The following SWAP70 variants were observed in gnomAD, a reference collection of about 807,000 sequenced individuals.
The protein encoded by SWAP70 is switching B cell complex subunit SWAP70.
SWAP70 carries 34 observed loss-of-function variants against 80.2 expected under a neutral mutation model. The ratio of observed to expected loss-of-function variants is 0.42; its 90% CI spans 0.32 to 0.56. The LOEUF is 0.56. SWAP70 is among the 20% of genes least tolerant of loss of function. The probability of loss-of-function intolerance (pLI) is 0.09; values close to 1 mark genes in which losing one functional copy is unlikely to be tolerated. For synonymous variants in SWAP70, 239 were observed against 238.5 expected (o/e 1.00, Z -0.02); for missense variants, 578 against 690.7 (o/e 0.84, Z 1.83).
intron 6 of SWAP70, 135 bp downstream of exon 6, chr11:9,729,586 C>T (rs974929836): frequency 1.5e-6 from 1 of 669,904 alleles, no homozygotes; most frequent in Non-Finnish European, 2.6e-6. Context: ...GCAACCTCCA[C>T]CTCCTGGGTT....
intron 1 of SWAP70, among the ~76,000 whole-genome samples, chr11:9,678,543 CTT>C (rs72123125): frequency 2.6e-5 from 2 of 77,206 alleles, no homozygotes; most frequent in Non-Finnish European, 5.6e-5. Context: ...CTCTGAGGTG[CTT>C]TTTTTTTTTT....
At chr11:9,720,239 A>C (rs936261679) in intron 3 of SWAP70, 4 of 985,292 alleles carry the variant, frequency 4.1e-6, no homozygotes, top group Admixed American at 6.2e-5. Context: ...AGTCAGCAGG[A>C]AATGAATCTA....
rs1388439488 is a variant in SWAP70 at position 9,750,677 on chromosome 11, CT to C, written c.*710del. On this transcript the variant is annotated 3_prime_UTR_variant, in exon 12 of 12. Transcript: ENST00000318950. Reference sequence around the variant, plus strand: ...AACCTCTGTGGACTGGATGTCAGCTCTTTCCTTTGGCAGCGTGTTTCCTTTT... The same window carrying C: ...AACCTCTGTGGACTGGATGTCAGCTCTTCCTTTGGCAGCGTGTTTCCTTTT... 1 of 152,296 alleles carries C rather than the reference CT, an allele frequency of 6.6e-6. No homozygotes were observed. Among genetic ancestry groups the C allele is most frequent in the Non-Finnish European group, 1.5e-5 (1 of 68,104 alleles). 9.4% of individuals were successfully genotyped at this position (152,296 alleles called of 1,614,324 possible). A position where few individuals can be genotyped will look rare whatever the true frequency, so the allele number is the denominator to read the frequency against.
Position 9,738,337 on chromosome 11 carries a change from T to C in SWAP70, c.1188+17T>C, listed in dbSNP as rs756066017. ...GAGAAGCTTGTGAGTATCACATGGCTGGAGAAAGCAGCTGCAGTAGCTCAG... is the reference window on the plus strand; with the variant it reads ...GAGAAGCTTGTGAGTATCACATGGCCGGAGAAAGCAGCTGCAGTAGCTCAG... On this transcript the variant is annotated intron_variant, in intron 8 of 11. Coordinates refer to ENST00000318950, the MANE Select transcript of SWAP70 (RefSeq NM_015055.4). The C allele has an allele frequency of 1.3e-6, 2 of 1,564,724 alleles. No individual in the cohort carries two copies. The highest frequency in any genetic ancestry group is 2.4e-5 in the South Asian group (2 of 84,168).
chr11:9,743,396 A>C (rs996234332), intron 9 of SWAP70, among the ~76,000 whole-genome samples: 16 of 151,992 alleles, frequency 1.1e-4, no homozygotes, highest in African/African-American at 4.8e-5. Flanking sequence ...ATGATTTATA[A>C]TCCTTTGGGT....
At chr11:9,725,926 A>G (rs1185177732) in intron 4 of SWAP70, among the ~76,000 whole-genome samples, 2 of 152,146 alleles carry the variant, frequency 1.3e-5, no homozygotes, top group Non-Finnish European at 2.9e-5. Flanking sequence ...AAAGATCTCC[A>G]TGGCATAACG....
rs59264750 is a variant in SWAP70 at position 9,724,903 on chromosome 11, GTT to G, written c.642+26_642+27del. ...TAAAGCAGGTAAGAATTCTGTTACTGTTTTTTTTTCTCATCTTTAGAATTTGA... is the reference window on the plus strand; with the variant it reads ...TAAAGCAGGTAAGAATTCTGTTACTGTTTTTTTCTCATCTTTAGAATTTGA... On this transcript the variant is annotated intron_variant, in intron 4 of 11. Coordinates refer to ENST00000318950, the MANE Select transcript of SWAP70 (RefSeq NM_015055.4). The G allele has an allele frequency of 2.1e-6, 3 of 1,422,706 alleles. No homozygotes were observed. In the South Asian group the frequency reaches 3.8e-5, roughly 18 times the overall value. 88.1% of individuals were successfully genotyped at this position (1,422,706 alleles called of 1,614,324 possible). A position where few individuals can be genotyped will look rare whatever the true frequency, so the allele number is the denominator to read the frequency against.
intron 3 of SWAP70, among the ~76,000 whole-genome samples, chr11:9,719,401 A>T (rs1851107578): frequency 6.6e-6 from 1 of 152,174 alleles, no homozygotes; most frequent in South Asian, 2.1e-4. Flanking sequence ...CATGGCAGTT[A>T]GCCAGGTGTG....
intron 6 of SWAP70, among the ~76,000 whole-genome samples, chr11:9,730,053 G>C (rs752103070): frequency 6.6e-6 from 1 of 152,162 alleles, no homozygotes; most frequent in South Asian, 2.1e-4. Flanking sequence ...TGGGCTTTTA[G>C]TGTAATCATC....
chr11:9,679,158 C>CT (rs1850536951), intron 1 of SWAP70, among the ~76,000 whole-genome samples: 1 of 152,150 alleles, frequency 6.6e-6, no homozygotes. Flanking sequence ...ATTAGAAACA[C>CT]TAATTTTTTT....
In SWAP70 at chr11:9,717,329, C is replaced by T. The variant is rs560592890; in HGVS notation, c.414+3690C>T. On this transcript the variant is annotated intron_variant, in intron 3 of 11. Transcript: ENST00000318950. ...CTAGCTGCTGCTTGAAAGAATTGTG[C>T]AAATAAAATTTACAGTATTTTAGGC... Among the ~76,000 whole-genome samples the T allele has an allele frequency of 7.9e-5, 12 of 152,210 alleles. No homozygotes were observed. The South Asian group carries it at 2.5e-3, about 32-fold the overall frequency.
rs373721194 is a variant in SWAP70 at position 9,694,126 on chromosome 11, G to A, written c.100-20G>A. On this transcript the variant is annotated intron_variant, in intron 1 of 11. Coordinates refer to ENST00000318950, the MANE Select transcript of SWAP70 (RefSeq NM_015055.4). Reference sequence around the variant, plus strand: ...TGCTGGTTAGTGGGAGTCTTTAAACGATTTTCTTTTCCCTTGCAGGTCCTT... The same window carrying A: ...TGCTGGTTAGTGGGAGTCTTTAAACAATTTTCTTTTCCCTTGCAGGTCCTT... 1.1e-5 allele frequency: 18 copies of A among 1,577,848 alleles called. No individual in the cohort carries two copies. In the African/African-American group the frequency reaches 1.4e-4, roughly 12 times the overall value.
intron 5 of SWAP70, 117 bp from the exon 6 acceptor site, chr11:9,729,226 G>T (rs912042494): frequency 2.9e-6 from 2 of 689,438 alleles, no homozygotes; most frequent in East Asian, 2.7e-5. Flanking sequence ...TCAGTAATAT[G>T]AATTTATAGG....
intron 1 of SWAP70, among the ~76,000 whole-genome samples, chr11:9,678,479 G>GTT (rs57320807): frequency 4.5e-4 from 37 of 82,132 alleles, no homozygotes; most frequent in African/African-American, 1.3e-3. Context: ...ACATTTTTAT[G>GTT]TTTTTTTTTT....
chr11:9,748,102 A>T (rs1851535950), intron 10 of SWAP70, 46 bp downstream of exon 10: 1 of 1,568,914 alleles, frequency 6.4e-7, no homozygotes, highest in African/African-American at 1.4e-5. Flanking sequence ...AATTTTTGAA[A>T]AACATTTCTC....
intron 1 of SWAP70, among the ~76,000 whole-genome samples, chr11:9,673,403 T>G (rs1441409552): frequency 6.6e-6 from 1 of 152,192 alleles, no homozygotes; most frequent in Non-Finnish European, 1.5e-5. Context: ...TGCACTGCCC[T>G]CCTGGTACAT....
chr11:9,728,146 G>A lies in SWAP70; in HGVS notation c.736G>A (p.Asp246Asn). 1.9e-6 allele frequency: 3 copies of A among 1,613,088 alleles called. No individual in the cohort carries two copies. Among genetic ancestry groups the A allele is most frequent in the Non-Finnish European group, 2.5e-6 (3 of 1,179,660 alleles). Reference protein sequence around the residue: ...PNIISYYVSEDLKDKKGDILL... With the variant: ...PNIISYYVSENLKDKKGDILL... ...CATAATTTCTTACTATGTGAGTGAG[G>A]ATCTGAAGGATAAGAAAGGAGACAT... The change falls in exon 5 of 12, where the codon GAT becomes AAT. Residue 246 changes from aspartate (D) to asparagine (N), a missense_variant. By Grantham distance (23) the Asp-to-Asn change is conservative. Coordinates refer to ENST00000318950, the MANE Select transcript of SWAP70 (RefSeq NM_015055.4).
intron 2 of SWAP70, among the ~76,000 whole-genome samples, chr11:9,695,101 C>T (rs1850738824): frequency 6.6e-6 from 1 of 151,944 alleles, no homozygotes; most frequent in Admixed American, 6.6e-5. Flanking sequence ...CCAACCTGAC[C>T]AATATGATGA....
chr11:9,703,478 C>G (rs1044722608), intron 2 of SWAP70: 1 of 456,228 alleles, frequency 2.2e-6, no homozygotes, highest in East Asian at 6.9e-5. Context: ...TCAAATGCAG[C>G]GAATTTTTGT....
Sources: gnomAD v4.1 joint callset for allele counts (sites outside exome capture counted in the v4.1 genomes callset) on GRCh38, gnomAD v4.1.1 for gene constraint, MANE v1.5 for transcripts, NCBI Gene and HGNC (gene_info 2026-07-23, HGNC 2026-07-21) for gene names.